Variants in SH3D19 observed in about 807,000 individuals in gnomAD.
The protein encoded by SH3D19 is SH3 domain-containing protein 19.
In SH3D19, 58 loss-of-function variants were observed where a neutral mutation model predicts 112.1. That is an observed-to-expected ratio of 0.52 (90% CI 0.42 to 0.64). The LOEUF is 0.64. SH3D19 is among the 30% of genes least tolerant of loss of function. The pLI, the probability that SH3D19 is intolerant of heterozygous loss-of-function variation, is 0.00. For missense variants in SH3D19, 1,090 were observed against 1,263.4 expected (o/e 0.86, Z 2.08); for synonymous variants, 391 against 448.5 (o/e 0.87, Z 1.62).
chr4:151,294,870 C>T (rs1775592297), intron 1 of SH3D19, among the ~76,000 whole-genome samples: 1 of 152,068 alleles, frequency 6.6e-6, no homozygotes, highest in South Asian at 2.1e-4. Flanking sequence ...ATGGGAAATC[C>T]CACCTTAGGG....
Position 151,148,149 on chromosome 4 carries a change from G to A in SH3D19, c.1855C>T (p.Pro619Ser). Residue 619 changes from proline to serine, a missense_variant, in exon 11 of 20, where the codon CCA becomes TCA. Physicochemically the swap from Pro to Ser is moderately conservative, Grantham distance 74 (BLOSUM62 -1). Transcript: ENST00000604030. ...GGTCTCTCAGGGGGCACCTTGGTTG[G>A]AGGCTGTTGAGTTGGAATGGTTTTT... ...NGKTIPTQQP[P>S]TKVPPERPPP... The A allele has an allele frequency of 6.2e-7, 1 of 1,610,618 alleles. No individual in the cohort carries two copies. Among genetic ancestry groups the A allele is most frequent in the Non-Finnish European group, 8.5e-7 (1 of 1,179,168 alleles).
rs1754521074 is a variant in SH3D19, at chr4:151,149,399, T to TA, written c.1817+100dup. On this transcript the variant is annotated intron_variant, in intron 10 of 19. Coordinates refer to ENST00000604030, the MANE Select transcript of SH3D19 (RefSeq NM_001378122.1). The stretch of plus-strand genomic sequence containing the variant: ...GAAATCGGTGAGATTATTTTATCTC[T>TA]AAAAAAAGATTCAAGGCCAACAACA... 32 of 927,696 alleles carry TA rather than the reference T, an allele frequency of 3.4e-5. No individual in the cohort carries two copies. The South Asian group carries it at 4.4e-4, about 13-fold the overall frequency. 57.5% of individuals were successfully genotyped at this position (927,696 alleles called of 1,614,324 possible).
At chr4:151,275,602 C>A (rs1773534378) in intron 1 of SH3D19, among the ~76,000 whole-genome samples, 1 of 152,050 alleles carries the variant, frequency 6.6e-6, no homozygotes, top group Admixed American at 6.6e-5. Flanking sequence ...GCTCATGTAG[C>A]CTTGAACTAC....
chr4:151,207,988 T>A (rs72723763), intron 2 of SH3D19, among the ~76,000 whole-genome samples: 1 of 152,144 alleles, frequency 6.6e-6, no homozygotes, highest in Non-Finnish European at 1.5e-5. Context: ...TTAACTGAGG[T>A]CCAAAGCAAC....
At chr4:151,154,563 G>A (rs1488254675) in intron 9 of SH3D19, among the ~76,000 whole-genome samples, 1 of 151,346 alleles carries the variant, frequency 6.6e-6, no homozygotes, top group Admixed American at 6.6e-5. Context: ...ACAGGTGTGA[G>A]CCACCACACC....
At chr4:151,202,923 G>A (rs1385640308) in intron 2 of SH3D19, among the ~76,000 whole-genome samples, 1 of 152,172 alleles carries the variant, frequency 6.6e-6, no homozygotes, top group Non-Finnish European at 1.5e-5. Flanking sequence ...ATTTTCCCAG[G>A]AGAGATTATA....
At chr4:151,245,712 C>T (rs541088795) in intron 1 of SH3D19, among the ~76,000 whole-genome samples, 1 of 152,310 alleles carries the variant, frequency 6.6e-6, no homozygotes, top group African/African-American at 2.4e-5. Context: ...AGTGATTCTC[C>T]TGCCCCAGCC....
intron 1 of SH3D19, among the ~76,000 whole-genome samples, chr4:151,297,696 G>A (rs891451987): frequency 1.3e-5 from 2 of 152,212 alleles, no homozygotes; most frequent in African/African-American, 4.8e-5. Flanking sequence ...AGGAGGAATA[G>A]ATTTGCCAAG....
chr4:151,175,607 AT>A lies in SH3D19; in HGVS notation c.596del (p.Asn199MetfsTer5). 1 of 1,317,538 alleles carries A rather than the reference AT, an allele frequency of 7.6e-7. No homozygotes were observed. Among genetic ancestry groups the A allele is most frequent in the Non-Finnish European group, 9.6e-7 (1 of 1,039,926 alleles). The allele number at this position is 1,317,538 out of a possible 1,614,324, so 81.6% of individuals were successfully genotyped here. ...TATCAAAGACGATTAAAGGTGCCAC[AT>A]TTGTTGGAAGATTGCCAGACGAGAC... is the stretch of plus-strand genomic sequence containing the variant. ...SAVSSGNLPT[N>X]VAPLIVFDIS... On this transcript the variant is annotated frameshift_variant, in exon 7 of 20. Coordinates refer to ENST00000604030, the MANE Select transcript of SH3D19 (RefSeq NM_001378122.1). LOFTEE classifies it high-confidence loss of function.
chr4:151,159,404 A>G, intron 8 of SH3D19, 52 bp from the exon 9 acceptor site: 1 of 1,085,636 alleles, frequency 9.2e-7, no homozygotes, highest in Non-Finnish European at 1.4e-6. Context: ...TGGGATTCCA[A>G]AGAATGAAAT....
chr4:151,309,467 A>T (rs1447933286), intron 1 of SH3D19, among the ~76,000 whole-genome samples: 1 of 152,218 alleles, frequency 6.6e-6, no homozygotes, highest in Non-Finnish European at 1.5e-5. Context: ...TTTGCAAACC[A>T]TATATCTGAT....
rs560346756 is a variant in SH3D19, at chr4:151,277,883, A to G, written c.112+47358T>C. Among the ~76,000 whole-genome samples the G allele has an allele frequency of 5.3e-5, 8 of 152,268 alleles. No individual in the cohort carries two copies. The East Asian group carries it at 1.4e-3, about 26-fold the overall frequency. ...TGGTGAAACCCCATCTCTACAAAAAATACAAAAATTAGCCGGGCGTGGTGG... is the reference window on the plus strand; with the variant it reads ...TGGTGAAACCCCATCTCTACAAAAAGTACAAAAATTAGCCGGGCGTGGTGG... On this transcript the variant is annotated intron_variant, in intron 1 of 19. Transcript: ENST00000604030.
At chr4:151,313,834 G>A (rs747701186) in intron 1 of SH3D19, among the ~76,000 whole-genome samples, 11 of 152,134 alleles carry the variant, frequency 7.2e-5, no homozygotes, top group Non-Finnish European at 1.2e-4. Flanking sequence ...AAAGGGTGTG[G>A]TAGCAAGATA....
intron 1 of SH3D19, among the ~76,000 whole-genome samples, chr4:151,243,247 C>A (rs981845871): frequency 6.6e-6 from 1 of 152,086 alleles, no homozygotes; most frequent in Admixed American, 6.6e-5. Context: ...TAATCTGTGT[C>A]CAACTATTTG....
rs1383986886 is a variant in SH3D19 at position 151,325,277 on chromosome 4, C to T, written c.76G>A (p.Ala26Thr). 6 of 1,221,732 alleles carry T rather than the reference C, an allele frequency of 4.9e-6. No individual in the cohort carries two copies. In the East Asian group the frequency reaches 1.6e-4, roughly 33 times the overall value. 75.7% of individuals were successfully genotyped at this position (1,221,732 alleles called of 1,614,324 possible). ...ERRELGGQRR[A>T]RGRALSGHSA... ...TGGCCCGAGAGCGCACGGCCCCGGG[C>T]GCGGCGCTGGCCACCAAGTTCGCGG... The change falls in exon 1 of 20, where the codon GCC (alanine) becomes ACC (threonine). Residue 26 changes from alanine (A) to threonine (T), a missense_variant. Transcript: ENST00000604030.
intron 2 of SH3D19, among the ~76,000 whole-genome samples, chr4:151,208,733 A>G (rs942426379): frequency 6.1e-5 from 9 of 148,512 alleles, no homozygotes; most frequent in African/African-American, 2.0e-4. Context: ...GCTGGAGTGC[A>G]GTGGCATGAT....
chr4:151,313,403 GTATTTATT>G (rs142590729), intron 1 of SH3D19, among the ~76,000 whole-genome samples: 13 of 149,828 alleles, frequency 8.7e-5, no homozygotes, highest in East Asian at 4.0e-4. Context: ...CATATTTTAT[GTATTTATT>G]TATTTATTTA....
chr4:151,237,542 T>TCCTG (rs1554060562), intron 1 of SH3D19, among the ~76,000 whole-genome samples: 1 of 151,578 alleles, frequency 6.6e-6, no homozygotes, highest in Admixed American at 6.6e-5. Context: ...TGTTTTGAGT[T>TCCTG]CTTCACTACT....
chr4:151,176,417 G>A (rs2149829597), intron 6 of SH3D19, 117 bp downstream of exon 6: 1 of 723,010 alleles, frequency 1.4e-6, no homozygotes, highest in East Asian at 3.4e-5. Context: ...CACACTGACT[G>A]GGCAGCAGAG....
Sources: allele counts gnomAD v4.1 joint callset (sites outside exome capture counted in the v4.1 genomes callset), GRCh38; gene constraint gnomAD v4.1.1; transcripts MANE v1.5; gene names NCBI Gene and HGNC (gene_info 2026-07-23, HGNC 2026-07-21).